The following GPR83 variants were observed in gnomAD, a reference collection of about 807,000 sequenced individuals.
The protein encoded by GPR83 is G protein-coupled receptor 83, also known as G-protein coupled receptor 72.
In GPR83, 23 loss-of-function variants were observed where a neutral mutation model predicts 28.0. That is an observed-to-expected ratio of 0.82 (90% confidence interval 0.59 to 1.16). GPR83 has a LOEUF of 1.16. GPR83 is among the 50% of genes most tolerant of loss of function. The pLI, the probability that GPR83 is intolerant of heterozygous loss-of-function variation, is 0.00. For missense variants in GPR83, 610 were observed against 536.6 expected, an observed-to-expected ratio of 1.14 and a Z score of -1.35; for synonymous variants, 234 against 215.4, an observed-to-expected ratio of 1.09 and a Z score of -0.76.
chr11:94,386,470 C>A (rs1944757228), intron 3 of GPR83, among the ~76,000 whole-genome samples: 1 of 152,078 alleles, frequency 6.6e-6, no homozygotes, highest in Non-Finnish European at 1.5e-5. Flanking sequence ...TGTGCAGAGA[C>A]ACATATGGGC....
At position 94,393,472 on chromosome 11, in the gene GPR83, G is replaced by T; in HGVS notation, c.647+13C>A. On this transcript the variant is annotated intron_variant, in intron 3 of 3. Coordinates refer to ENST00000243673, the MANE Select transcript of GPR83 (RefSeq NM_016540.4). Reference sequence around the variant, plus strand: ...CACAAGTCCCCAGGCAGATCCCAACGAATTCATCTCACCTGTATTTGAAGG... The same window carrying T: ...CACAAGTCCCCAGGCAGATCCCAACTAATTCATCTCACCTGTATTTGAAGG... The T allele has an allele frequency of 6.2e-7, 1 of 1,613,518 alleles. No individual in the cohort carries two copies. Among genetic ancestry groups the T allele is most frequent in the South Asian group, 1.1e-5 (1 of 90,992 alleles).
intron 3 of GPR83, among the ~76,000 whole-genome samples, chr11:94,388,314 T>G (rs1944780392): frequency 6.6e-6 from 1 of 152,180 alleles, no homozygotes; most frequent in Non-Finnish European, 1.5e-5. Context: ...TGTTGGAAGT[T>G]CTGGCCAGGG....
intron 3 of GPR83, among the ~76,000 whole-genome samples, chr11:94,388,609 C>G (rs1472095413): frequency 6.6e-6 from 1 of 152,168 alleles, no homozygotes; most frequent in Non-Finnish European, 1.5e-5. Flanking sequence ...AGGAATCCAA[C>G]TTACAAGGGA....
intron 1 of GPR83, among the ~76,000 whole-genome samples, chr11:94,397,020 A>G (rs1737115224): frequency 6.6e-6 from 1 of 152,232 alleles, no homozygotes; most frequent in South Asian, 2.1e-4. Context: ...ATGTGCAATA[A>G]CAAAATTCAT....
rs1314732596 is a variant in GPR83, at chr11:94,401,171, T to G, written c.77A>C (p.Glu26Ala). The G allele has an allele frequency of 6.2e-7, 1 of 1,613,494 alleles. No individual in the cohort carries two copies. Among genetic ancestry groups the G allele is most frequent in the East Asian group, 2.2e-5 (1 of 44,796 alleles). Residue 26 changes from glutamate to alanine, a missense_variant, in exon 1 of 4, where the codon GAG becomes GCG. Glu to Ala is a moderately radical substitution (Grantham distance 107, BLOSUM62 -1). Transcript: ENST00000243673. ...ATEPHEGRAD[E>A]QSAEAALAVP... Reference sequence around the variant, plus strand: ...GGCCAGGGCCGCCTCCGCGCTCTGCTCGTCGGCCCGGCCCTCGTGGGGCTC... The same window carrying G: ...GGCCAGGGCCGCCTCCGCGCTCTGCGCGTCGGCCCGGCCCTCGTGGGGCTC...
At chr11:94,384,532 C>G (rs1209237956) in intron 3 of GPR83, among the ~76,000 whole-genome samples, 1 of 152,204 alleles carries the variant, frequency 6.6e-6, no homozygotes, top group East Asian at 1.9e-4. Flanking sequence ...TGAGCCGAAG[C>G]AGGGCAAGGC....
intron 2 of GPR83, 69 bp from the exon 3 acceptor site, chr11:94,393,687 G>A (rs567808840): frequency 1.4e-5 from 20 of 1,467,544 alleles, no homozygotes; most frequent in South Asian, 1.1e-4. Flanking sequence ...TGGGTCAGGC[G>A]CAGGTGCTCA....
chr11:94,386,402 G>T (rs1408889320), intron 3 of GPR83, among the ~76,000 whole-genome samples: 5 of 152,116 alleles, frequency 3.3e-5, no homozygotes, highest in South Asian at 2.1e-4. Context: ...ACACAGCCTG[G>T]CAAATTGGAT....
At chr11:94,395,345 C>T (rs1370529887) in intron 2 of GPR83, among the ~76,000 whole-genome samples, 1 of 152,214 alleles carries the variant, frequency 6.6e-6, no homozygotes, top group East Asian at 1.9e-4. Context: ...CTTGCTGCAT[C>T]TCATGGTGCT....
intron 3 of GPR83, among the ~76,000 whole-genome samples, chr11:94,381,584 C>CGCGCGT (rs1554991077): frequency 7.1e-6 from 1 of 141,816 alleles, no homozygotes; most frequent in African/African-American, 2.6e-5. Flanking sequence ...TGTGTGCGCG[C>CGCGCGT]GTGCTGCAGG....
chr11:94,398,585 C>A (rs1025252360), intron 1 of GPR83, among the ~76,000 whole-genome samples: 8 of 152,154 alleles, frequency 5.3e-5, no homozygotes, highest in Non-Finnish European at 1.0e-4. Context: ...ATGAAAGACT[C>A]CCTCCTCTAC....
At chr11:94,381,601 G>C (rs1429816156) in intron 3 of GPR83, among the ~76,000 whole-genome samples, 1 of 138,964 alleles carries the variant, frequency 7.2e-6, no homozygotes, top group Admixed American at 7.3e-5. Flanking sequence ...CAGGTGGGGT[G>C]GCACATGGCT....
intron 3 of GPR83, among the ~76,000 whole-genome samples, chr11:94,386,392 A>T (rs1944755855): frequency 6.6e-6 from 1 of 152,232 alleles, no homozygotes; most frequent in African/African-American, 2.4e-5. Context: ...CAATTAAAAG[A>T]CACAGCCTGG....
intron 3 of GPR83, among the ~76,000 whole-genome samples, chr11:94,388,007 A>C (rs997905815): frequency 7.9e-5 from 12 of 152,234 alleles, no homozygotes; most frequent in Non-Finnish European, 1.6e-4. Context: ...CTGGGATGCA[A>C]GGCTGGTTCA....
At position 94,378,359 on chromosome 11, in the gene GPR83, G is replaced by A. The variant is rs570919745; in HGVS notation, c.*1790C>T. On this transcript the variant is annotated 3_prime_UTR_variant, in exon 4 of 4. Coordinates refer to ENST00000243673, the MANE Select transcript of GPR83 (RefSeq NM_016540.4). ...AGTTTCCTACTGAGCTCATATCCAT[G>A]CTTTGATTTCAGAGTTTATCTGGTG... 2 of 152,298 alleles carry A rather than the reference G, an allele frequency of 1.3e-5. No homozygotes were observed. Among genetic ancestry groups the A allele is most frequent in the South Asian group, 4.1e-4 (2 of 4,820 alleles). 9.4% of individuals were successfully genotyped at this position (152,298 alleles called of 1,614,324 possible).
rs535691444 is a variant in GPR83, at chr11:94,393,423, G to C, written c.647+62C>G. On this transcript the variant is annotated intron_variant, in intron 3 of 3. Coordinates refer to ENST00000243673, the MANE Select transcript of GPR83 (RefSeq NM_016540.4). ...CTCCTGGGGGCCTCAGGTATCCCTT[G>C]GTGGAGCCTGACTCAGGAGAAGACA... The C allele has an allele frequency of 9.8e-6, 15 of 1,532,292 alleles. No individual in the cohort carries two copies. The African/African-American group carries it at 1.5e-4, about 15-fold the overall frequency. The allele number at this position is 1,532,292 out of a possible 1,614,324, so 94.9% of individuals were successfully genotyped here.
intron 3 of GPR83, among the ~76,000 whole-genome samples, chr11:94,388,620 T>C (rs1414660149): frequency 6.6e-6 from 1 of 152,108 alleles, no homozygotes. Context: ...TTACAAGGGA[T>C]GTGAAGGACC....
chr11:94,391,293 C>A (rs919252777), intron 3 of GPR83, among the ~76,000 whole-genome samples: 3 of 152,058 alleles, frequency 2.0e-5, no homozygotes, highest in Non-Finnish European at 4.4e-5. Flanking sequence ...GAAACTGGAC[C>A]CCCTCTTTAC....
intron 3 of GPR83, among the ~76,000 whole-genome samples, chr11:94,383,154 CAAAAAAAGAAAAAA>C (rs1591601063): frequency 1.7e-5 from 2 of 114,822 alleles, no homozygotes; most frequent in South Asian, 5.8e-4. Flanking sequence ...CCGTCTCAAA[CAAAAAAAGAAAAAA>C]AAAAAAAGAA....
Sources: allele counts gnomAD v4.1 joint callset (sites outside exome capture counted in the v4.1 genomes callset), GRCh38; gene constraint gnomAD v4.1.1; transcripts MANE v1.5; gene names NCBI Gene and HGNC (gene_info 2026-07-23, HGNC 2026-07-21).